PTPRD: variants seen among roughly 807,000 people sequenced by gnomAD.
The protein encoded by PTPRD is protein tyrosine phosphatase receptor type D.
PTPRD carries 34 observed loss-of-function variants against 214.5 expected under a neutral mutation model. That is an observed-to-expected ratio of 0.16 (90% confidence interval 0.12 to 0.21). The LOEUF is 0.21. PTPRD is among the 10% of genes least tolerant of loss of function. The probability of loss-of-function intolerance (pLI) is 1.00; values close to 1 mark genes in which losing one functional copy is unlikely to be tolerated. For missense variants in PTPRD, 2,545 were observed against 2,398.7 expected, an observed-to-expected ratio of 1.06 and a Z score of -1.27; for synonymous variants, 1,128 against 845.7, an observed-to-expected ratio of 1.33 and a Z score of -5.79.
At chr9:8,338,866 G>GAGAGAGAGAGAGAGAGAGAGA in intron 43 of PTPRD, 56 bp downstream of exon 43, 2 of 712,488 alleles carry the variant, frequency 2.8e-6, no homozygotes, top group East Asian at 4.2e-5. Flanking sequence ...AGAGAGAGAG[G>GAGAGAGAGAGAGAGAGAGAGA]TATCTTAGAC....
intron 3 of PTPRD, among the ~76,000 whole-genome samples, chr9:10,301,961 C>G (rs1194943606): frequency 6.6e-6 from 1 of 152,140 alleles, no homozygotes; most frequent in African/African-American, 2.4e-5. Flanking sequence ...CCCCAAGACA[C>G]ATAATCGTCA....
chr9:8,406,646 T>A (rs1488851684), intron 35 of PTPRD, among the ~76,000 whole-genome samples: 6 of 152,218 alleles, frequency 3.9e-5, no homozygotes. Flanking sequence ...ACAGAATTGA[T>A]GAATAAATGT....
intron 11 of PTPRD, among the ~76,000 whole-genome samples, chr9:8,756,605 T>A (rs759948565): frequency 6.6e-6 from 1 of 152,146 alleles, no homozygotes. Context: ...GCTCCGGAGT[T>A]CTAACGTTGT....
At chr9:8,921,050 G>T (rs994002629) in intron 11 of PTPRD, among the ~76,000 whole-genome samples, 3 of 152,134 alleles carry the variant, frequency 2.0e-5, no homozygotes, top group African/African-American at 7.2e-5. Flanking sequence ...CTGACCTCTG[G>T]CAATCCGCGC....
intron 7 of PTPRD, among the ~76,000 whole-genome samples, chr9:9,728,811 G>C (rs577782824): frequency 1.3e-5 from 2 of 152,064 alleles, no homozygotes; most frequent in Admixed American, 6.6e-5. Flanking sequence ...AGACCATTTT[G>C]AGTGTAGATA....
At chr9:9,280,599 A>T (rs1947331875) in intron 9 of PTPRD, among the ~76,000 whole-genome samples, 1 of 151,282 alleles carries the variant, frequency 6.6e-6, no homozygotes, top group South Asian at 2.1e-4. Flanking sequence ...TATCAGGAAA[A>T]CTATAAAACT....
At chr9:9,363,425 CT>C (rs760282796) in intron 9 of PTPRD, among the ~76,000 whole-genome samples, 33 of 151,416 alleles carry the variant, frequency 2.2e-4, no homozygotes, top group Middle Eastern at 3.4e-3. Flanking sequence ...ACATTTCTAT[CT>C]CTATTTTACT....
At chr9:9,560,157 G>A (rs778008767) in intron 8 of PTPRD, among the ~76,000 whole-genome samples, 22 of 152,162 alleles carry the variant, frequency 1.4e-4, no homozygotes, top group Non-Finnish European at 2.8e-4. Context: ...CAGACGTCTT[G>A]CACTAAGTCT....
chr9:8,552,011 G>A (rs1188863328), intron 14 of PTPRD, among the ~76,000 whole-genome samples: 1 of 152,130 alleles, frequency 6.6e-6, no homozygotes, highest in Non-Finnish European at 1.5e-5. Context: ...GATCCAAGTT[G>A]AAAAGTTCTG....
At chr9:9,189,156 G>C (rs1288971134) in intron 9 of PTPRD, among the ~76,000 whole-genome samples, 2 of 152,058 alleles carry the variant, frequency 1.3e-5, no homozygotes, top group African/African-American at 4.8e-5. Context: ...TTTAGTAAGT[G>C]ATTGCTTTAT....
At chr9:9,833,852 T>C (rs2055855750) in intron 5 of PTPRD, among the ~76,000 whole-genome samples, 3 of 152,110 alleles carry the variant, frequency 2.0e-5, no homozygotes, top group African/African-American at 7.2e-5. Context: ...TTATGTCTCT[T>C]ATTCCCTGAA....
intron 7 of PTPRD, among the ~76,000 whole-genome samples, chr9:9,592,019 T>C (rs370122784): frequency 5.4e-4 from 82 of 152,220 alleles, no homozygotes; most frequent in African/African-American, 1.9e-3. Flanking sequence ...GATCAACTTG[T>C]TTTGATTTTT....
intron 5 of PTPRD, among the ~76,000 whole-genome samples, chr9:9,919,419 C>T (rs1040318631): frequency 4.6e-5 from 7 of 152,128 alleles, no homozygotes; most frequent in African/African-American, 1.2e-4. Context: ...GCCATTTTTG[C>T]AGAAGCTTTT....
At position 10,503,201 on chromosome 9, in the gene PTPRD, A is replaced by AAAAAAC. The variant is rs1555437179; in HGVS notation, c.-600+109196_-600+109197insGTTTTT. On this transcript the variant is annotated intron_variant, in intron 2 of 45. Transcript: ENST00000381196. The stretch of plus-strand genomic sequence containing the variant: ...GAGACACAGCTGCAATACAAAAAAA[A>AAAAAAC]AAAAAACAAAAAAAAACACCATTTT... Among the ~76,000 whole-genome samples, 885 of 134,592 alleles carry AAAAAAC rather than the reference A, an allele frequency of 6.6e-3. 25 individuals are homozygous for AAAAAAC. Among genetic ancestry groups the AAAAAAC allele is most frequent in the African/African-American group, 0.027 (839 of 31,092 alleles). 88.3% of individuals were successfully genotyped at this position (134,592 alleles called of 152,430 possible). A position where few individuals can be genotyped will look rare whatever the true frequency, so the allele number is the denominator to read the frequency against.
intron 9 of PTPRD, among the ~76,000 whole-genome samples, chr9:9,210,439 G>A (rs188843237): frequency 1.9e-4 from 29 of 152,260 alleles, no homozygotes; most frequent in African/African-American, 6.0e-4. Flanking sequence ...AATTTGCCAT[G>A]AAACATTTAA....
intron 10 of PTPRD, among the ~76,000 whole-genome samples, chr9:9,117,567 T>C (rs935303856): frequency 6.6e-6 from 1 of 152,172 alleles, no homozygotes; most frequent in African/African-American, 2.4e-5. Context: ...ACAAGATCTT[T>C]TATTTTTCTC....
intron 11 of PTPRD, among the ~76,000 whole-genome samples, chr9:8,818,994 C>T (rs2096983266): frequency 6.6e-6 from 1 of 152,058 alleles, no homozygotes. Context: ...TTGCAATGTT[C>T]GACTACTGGG....
At chr9:9,333,409 A>G (rs570380180) in intron 9 of PTPRD, among the ~76,000 whole-genome samples, 5 of 150,616 alleles carry the variant, frequency 3.3e-5, no homozygotes, top group African/African-American at 1.2e-4. Flanking sequence ...TTAGGGGAGA[A>G]TAAAAGCTAC....
chr9:9,016,626 T>A (rs1235654264), intron 11 of PTPRD, among the ~76,000 whole-genome samples: 1 of 152,164 alleles, frequency 6.6e-6, no homozygotes, highest in Non-Finnish European at 1.5e-5. Context: ...GGCTGATGAC[T>A]AAAGCTTCTT....
Sources: allele counts gnomAD v4.1 joint callset (sites outside exome capture counted in the v4.1 genomes callset), GRCh38; gene constraint gnomAD v4.1.1; transcripts MANE v1.5; gene names NCBI Gene and HGNC (gene_info 2026-07-23, HGNC 2026-07-21).